Variants in TRPM3 observed in about 807,000 individuals in gnomAD.
TRPM3 encodes the protein long transient receptor potential channel 3.
A neutral mutation model predicts 181.2 loss-of-function variants in TRPM3; 77 were observed. The observed-to-expected ratio is 0.42, with a 90% CI of 0.35 to 0.51. TRPM3 has a LOEUF of 0.51. Ranked by LOEUF, TRPM3 falls within the 20% of genes least tolerant of loss-of-function variation. The pLI is 0.01. For synonymous variants in TRPM3, 745 were observed against 796.4 expected (o/e 0.94, Z 1.09); for missense variants, 1,759 against 2,196.7 (o/e 0.80, Z 3.98).
rs116553331 is a variant in TRPM3, at chr9:70,661,087, T to A, written c.1345+20419A>T. ...AGCATATCACAAAGATAATGCATCA[T>A]GATCAAGTGGTTTCATACCAGGAAT... On this transcript the variant is annotated intron_variant, in intron 9 of 25. Coordinates refer to ENST00000677713, the MANE Select transcript of TRPM3 (RefSeq NM_001366145.2). Among the ~76,000 whole-genome samples, 363 of 152,248 alleles carry A rather than the reference T, an allele frequency of 2.4e-3. 2 individuals are homozygous for A. The highest frequency in any genetic ancestry group is 8.3e-3 in the African/African-American group (344 of 41,556).
At chr9:71,432,348 G>GTTTTTTT (rs2093969795) in intron 1 of TRPM3, among the ~76,000 whole-genome samples, 1 of 29,998 alleles carries the variant, frequency 3.3e-5, no homozygotes, top group African/African-American at 1.3e-4. Flanking sequence ...TTTTTTTTTT[G>GTTTTTTT]GCTTATCTCT....
At position 70,960,681 on chromosome 9, in the gene TRPM3, C is replaced by T. The variant is rs575610096; in HGVS notation, c.178-96170G>A. On this transcript the variant is annotated intron_variant, in intron 1 of 25. Transcript: ENST00000677713. ...AACAAGCTGAGGCTGTATTTACAAG[C>T]ATAGCATGGGTGGGCACGTGGGTAC... is the stretch of plus-strand genomic sequence containing the variant. Among the ~76,000 whole-genome samples, 4 of 152,296 alleles carry T rather than the reference C, an allele frequency of 2.6e-5. No homozygotes were observed. The East Asian group carries it at 7.7e-4, about 29-fold the overall frequency.
rs189502282 is a variant in TRPM3, at chr9:70,754,056, C to T, written c.1272+7545G>A. Among the ~76,000 whole-genome samples, 15 of 152,286 alleles carry T rather than the reference C, an allele frequency of 9.8e-5. No homozygotes were observed. In the East Asian group the frequency reaches 2.9e-3, roughly 29 times the overall value. On this transcript the variant is annotated intron_variant, in intron 8 of 25. Coordinates refer to ENST00000677713, the MANE Select transcript of TRPM3 (RefSeq NM_001366145.2). ...CTCCAGGGTATCAAAAGCAAATGTA[C>T]TGCCCCAGTCTGGGGTTGGTGGTTT...
intron 1 of TRPM3, among the ~76,000 whole-genome samples, chr9:71,294,160 T>C (rs1361321868): frequency 1.3e-5 from 2 of 151,964 alleles, no homozygotes; most frequent in Admixed American, 6.6e-5. Flanking sequence ...TGTTAAAATG[T>C]AAAACTTCTG....
chr9:71,325,354 C>T (rs1446795200), intron 1 of TRPM3, among the ~76,000 whole-genome samples: 1 of 152,130 alleles, frequency 6.6e-6, no homozygotes, highest in African/African-American at 2.4e-5. Flanking sequence ...ACCAACTTAT[C>T]ATACATCACC....
At chr9:70,920,969 T>C (rs141399369) in intron 1 of TRPM3, among the ~76,000 whole-genome samples, 1 of 152,310 alleles carries the variant, frequency 6.6e-6, no homozygotes, top group East Asian at 1.9e-4. Flanking sequence ...CAAATATACA[T>C]ATTTTCCTTT....
chr9:71,014,756 G>A (rs575932159), intron 1 of TRPM3, among the ~76,000 whole-genome samples: 11 of 152,148 alleles, frequency 7.2e-5, no homozygotes, highest in Admixed American at 2.6e-4. Flanking sequence ...ATACAACATT[G>A]AGTTGAGTTT....
At chr9:70,959,137 A>T (rs1461774389) in intron 1 of TRPM3, among the ~76,000 whole-genome samples, 1 of 151,992 alleles carries the variant, frequency 6.6e-6, no homozygotes, top group African/African-American at 2.4e-5. Flanking sequence ...CATGTACCCT[A>T]AAACTTAAAG....
At chr9:70,802,133 G>A (rs972239124) in intron 6 of TRPM3, among the ~76,000 whole-genome samples, 1 of 152,102 alleles carries the variant, frequency 6.6e-6, no homozygotes, top group African/African-American at 2.4e-5. Flanking sequence ...CTAGCGTAAA[G>A]CTGCAGGGAA....
intron 1 of TRPM3, among the ~76,000 whole-genome samples, chr9:71,014,518 G>A (rs72731748): frequency 0.048 from 7,229 of 152,014 alleles, 247 homozygotes; most frequent in Non-Finnish European, 0.067. Context: ...CTGAATTTCT[G>A]CTTTACAAAG....
chr9:70,535,857 T>C lies in TRPM3; in HGVS notation c.*96A>G. Reference sequence around the variant, plus strand: ...ATTGCTTGTTTTGCTCAGCTAAGAATAAAGCAGGTATGATTCAAGGAAAGG... The same window carrying C: ...ATTGCTTGTTTTGCTCAGCTAAGAACAAAGCAGGTATGATTCAAGGAAAGG... On this transcript the variant is annotated 3_prime_UTR_variant, in exon 26 of 26. Coordinates refer to ENST00000677713, the MANE Select transcript of TRPM3 (RefSeq NM_001366145.2). The C allele has an allele frequency of 1.3e-6, 2 of 1,516,370 alleles. No homozygotes were observed. The highest frequency in any genetic ancestry group is 1.8e-6 in the Non-Finnish European group (2 of 1,137,550). The allele number at this position is 1,516,370 out of a possible 1,614,324, so 93.9% of individuals were successfully genotyped here.
At chr9:70,578,504 T>C (rs920925925) in intron 22 of TRPM3, among the ~76,000 whole-genome samples, 1 of 152,212 alleles carries the variant, frequency 6.6e-6, no homozygotes, top group African/African-American at 2.4e-5. Context: ...TGGGACAAGA[T>C]CTACTGGTGT....
intron 21 of TRPM3, among the ~76,000 whole-genome samples, chr9:70,592,534 A>G (rs1032823311): frequency 2.0e-5 from 3 of 152,164 alleles, no homozygotes; most frequent in African/African-American, 7.2e-5. Flanking sequence ...TATGCCCTTC[A>G]TAAGTCAATA....
At chr9:70,784,612 C>T (rs897181793) in intron 6 of TRPM3, among the ~76,000 whole-genome samples, 1 of 152,146 alleles carries the variant, frequency 6.6e-6, no homozygotes, top group Non-Finnish European at 1.5e-5. Context: ...ACCAGACCAG[C>T]AACCAAGAGC....
chr9:71,162,302 G>A lies in TRPM3; in HGVS notation c.183+284351C>T, dbSNP rs543398421. Among the ~76,000 whole-genome samples, 175 of 151,914 alleles carry A rather than the reference G, an allele frequency of 1.2e-3. 1 individual carries two copies. The highest frequency in any genetic ancestry group is 3.7e-3 in the African/African-American group (153 of 41,448). The stretch of plus-strand genomic sequence containing the variant: ...GTTCATAATAAAATACAATGCTTCC[G>A]GCTTTTCTGGCTTTCTGGTAACCTG... On this transcript the variant is annotated intron_variant, in intron 1 of 24. Transcript: ENST00000357533.
At chr9:70,863,381 C>T (rs939565868) in intron 2 of TRPM3, among the ~76,000 whole-genome samples, 2 of 152,072 alleles carry the variant, frequency 1.3e-5, no homozygotes, top group Non-Finnish European at 2.9e-5. Flanking sequence ...TCTTTTGTAC[C>T]TGGCATTTTG....
intron 1 of TRPM3, among the ~76,000 whole-genome samples, chr9:70,948,138 CAGAT>C (rs1215242547): frequency 2.8e-5 from 4 of 143,902 alleles, no homozygotes; most frequent in African/African-American, 5.4e-5. Flanking sequence ...TTTTGTCTTT[CAGAT>C]AGAGCACTAA....
chr9:71,341,956 T>C (rs1454696203), intron 1 of TRPM3, among the ~76,000 whole-genome samples: 1 of 151,600 alleles, frequency 6.6e-6, no homozygotes, highest in East Asian at 1.9e-4. Context: ...GTAAAGAGCT[T>C]CCAAAAATTG....
intron 12 of TRPM3, among the ~76,000 whole-genome samples, chr9:70,629,215 C>CGGGGGGCGG (rs1554790135): frequency 2.0e-4 from 2 of 10,174 alleles, no homozygotes; most frequent in African/African-American, 4.1e-4. Context: ...TGACCAGTGC[C>CGGGGGGCGG]GGGGGGGGGG....
Sources: allele counts gnomAD v4.1 joint callset (sites outside exome capture counted in the v4.1 genomes callset), GRCh38; gene constraint gnomAD v4.1.1; transcripts MANE v1.5; gene names NCBI Gene and HGNC (gene_info 2026-07-23, HGNC 2026-07-21).